The following CNTN3 variants were observed in gnomAD, a reference collection of about 807,000 sequenced individuals.
The protein encoded by CNTN3 is contactin 3.
Under a neutral mutation model 119.1 loss-of-function variants are expected in CNTN3, and 60 were observed. That is an observed-to-expected ratio of 0.50 (90% CI 0.41 to 0.62). The LOEUF (loss-of-function observed/expected upper bound fraction) is 0.62, where lower values mean the gene tolerates loss of function less well. Among genes scored for constraint, CNTN3 ranks in the 20% least tolerant of loss-of-function variants. The pLI, the probability that CNTN3 is intolerant of heterozygous loss-of-function variation, is 0.00. For missense variants in CNTN3, 1,101 were observed against 1,242.4 expected, an observed-to-expected ratio of 0.89 and a Z score of 1.71; for synonymous variants, 450 against 438.7, an observed-to-expected ratio of 1.03 and a Z score of -0.32.
chr3:74,564,449 T>C (rs1199588627), intron 1 of CNTN3, among the ~76,000 whole-genome samples: 1 of 151,826 alleles, frequency 6.6e-6, no homozygotes, highest in East Asian at 1.9e-4. Context: ...AGCAAGAAAG[T>C]GGCCTCATGA....
At chr3:74,300,631 G>A (rs1307215287) in intron 16 of CNTN3, among the ~76,000 whole-genome samples, 1 of 152,172 alleles carries the variant, frequency 6.6e-6, no homozygotes, top group Non-Finnish European at 1.5e-5. Flanking sequence ...TAAACATTAT[G>A]TGCATTGTTC....
At chr3:74,313,156 G>C (rs928318564) in intron 13 of CNTN3, among the ~76,000 whole-genome samples, 16 of 151,438 alleles carry the variant, frequency 1.1e-4, no homozygotes, top group African/African-American at 3.9e-4. Context: ...GAAAAAAACA[G>C]AACAGAATAT....
intron 13 of CNTN3, 116 bp from the exon 14 acceptor site, chr3:74,302,923 C>T (rs1475549008): frequency 9.6e-6 from 6 of 622,956 alleles, no homozygotes; most frequent in Non-Finnish European, 1.7e-5. Flanking sequence ...AGGGAGCAAA[C>T]CAAGGTGGTA....
At chr3:74,375,615 G>A (rs996065037) in intron 5 of CNTN3, among the ~76,000 whole-genome samples, 6 of 152,058 alleles carry the variant, frequency 3.9e-5, no homozygotes, top group Admixed American at 2.0e-4. Context: ...AAGGAAACGT[G>A]ACCACAGAAC....
intron 13 of CNTN3, among the ~76,000 whole-genome samples, chr3:74,326,409 A>T (rs566885006): frequency 1.3e-5 from 2 of 152,294 alleles, no homozygotes; most frequent in Non-Finnish European, 2.9e-5. Context: ...TGAGATATAT[A>T]ATAATCAAAA....
At chr3:74,543,774 C>A (rs1230221133) in intron 1 of CNTN3, among the ~76,000 whole-genome samples, 1 of 152,064 alleles carries the variant, frequency 6.6e-6, no homozygotes, top group East Asian at 1.9e-4. Context: ...GACTTCACAG[C>A]CCCATTTTCC....
intron 19 of CNTN3, among the ~76,000 whole-genome samples, chr3:74,294,462 A>C (rs1702295215): frequency 3.3e-5 from 5 of 152,126 alleles, no homozygotes. Context: ...TGCCTTGCCT[A>C]ATCCAGAATG....
chr3:74,547,207 C>A (rs938581433), intron 1 of CNTN3, among the ~76,000 whole-genome samples: 5 of 152,168 alleles, frequency 3.3e-5, no homozygotes, highest in Non-Finnish European at 7.4e-5. Context: ...ATAAAATTTA[C>A]AGATATTGTT....
At chr3:74,387,347 G>A (rs954732898) in intron 5 of CNTN3, among the ~76,000 whole-genome samples, 3 of 152,162 alleles carry the variant, frequency 2.0e-5, no homozygotes, top group Non-Finnish European at 4.4e-5. Flanking sequence ...GGAAATAAAA[G>A]AGGATTAAAA....
At chr3:74,613,830 G>A (rs992530016) in intron 1 of CNTN3, among the ~76,000 whole-genome samples, 4 of 152,202 alleles carry the variant, frequency 2.6e-5, no homozygotes, top group Non-Finnish European at 5.9e-5. Context: ...CTGGACTACA[G>A]CGCAGCAGGG....
At chr3:74,542,319 A>C (rs1247050246) in intron 1 of CNTN3, among the ~76,000 whole-genome samples, 1 of 152,214 alleles carries the variant, frequency 6.6e-6, no homozygotes, top group Non-Finnish European at 1.5e-5. Context: ...TATAGAGATG[A>C]AGAGCCACCA....
chr3:74,520,973 T>G, intron 2 of CNTN3, 85 bp downstream of exon 2: 1 of 693,530 alleles, frequency 1.4e-6, no homozygotes, highest in Non-Finnish European at 2.3e-6. Flanking sequence ...TGGTGGAGTT[T>G]TATTTCAACA....
At chr3:74,352,345 G>A (rs1252027094) in intron 11 of CNTN3, among the ~76,000 whole-genome samples, 1 of 152,066 alleles carries the variant, frequency 6.6e-6, no homozygotes, top group Non-Finnish European at 1.5e-5. Flanking sequence ...CTTCTTACTG[G>A]TTTAAAAGAC....
chr3:74,523,108 G>T (rs1444041863), intron 1 of CNTN3, among the ~76,000 whole-genome samples: 4 of 151,032 alleles, frequency 2.6e-5, no homozygotes, highest in African/African-American at 9.8e-5. Flanking sequence ...CCTTCCTTCT[G>T]CTCAATCAAT....
chr3:74,267,909 A>AT (rs1193639016), intron 20 of CNTN3, among the ~76,000 whole-genome samples: 1 of 152,146 alleles, frequency 6.6e-6, no homozygotes, highest in Non-Finnish European at 1.5e-5. Flanking sequence ...AGTGTATATG[A>AT]TTTTGGAGCC....
intron 2 of CNTN3, among the ~76,000 whole-genome samples, chr3:74,519,836 T>A (rs1404106008): frequency 6.6e-6 from 1 of 151,696 alleles, no homozygotes; most frequent in Non-Finnish European, 1.5e-5. Context: ...AATTGAGGCA[T>A]CACAGTAAAA....
intron 5 of CNTN3, among the ~76,000 whole-genome samples, chr3:74,397,906 G>C (rs1559581413): frequency 6.6e-6 from 1 of 152,132 alleles, no homozygotes; most frequent in African/African-American, 2.4e-5. Context: ...AGATGTGGTG[G>C]AAATAACAAG....
At chr3:74,553,043 C>T (rs992178287) in intron 1 of CNTN3, among the ~76,000 whole-genome samples, 21 of 152,198 alleles carry the variant, frequency 1.4e-4, no homozygotes, top group Middle Eastern at 3.4e-3. Flanking sequence ...CTCATCAACC[C>T]GTCACCTACA....
intron 1 of CNTN3, among the ~76,000 whole-genome samples, chr3:74,554,346 T>C (rs1287514395): frequency 2.0e-5 from 3 of 152,156 alleles, no homozygotes; most frequent in African/African-American, 7.2e-5. Flanking sequence ...TGAAGTCAGG[T>C]AGTGTGATGC....
Sources: gnomAD v4.1 joint callset for allele counts (sites outside exome capture counted in the v4.1 genomes callset) on GRCh38, gnomAD v4.1.1 for gene constraint, MANE v1.5 for transcripts, NCBI Gene and HGNC (gene_info 2026-07-23, HGNC 2026-07-21) for gene names.